Variants in HIP1 observed in about 807,000 individuals in gnomAD.
HIP1 encodes huntingtin-interacting protein 1.
Under a neutral mutation model 147.6 loss-of-function variants are expected in HIP1, and 65 were observed. The observed-to-expected ratio is 0.44, with a 90% CI of 0.36 to 0.54. HIP1 has a LOEUF of 0.54. Ranked by LOEUF, HIP1 falls within the 20% of genes least tolerant of loss-of-function variation. The pLI is 0.00. For synonymous variants in HIP1, 479 were observed against 504.0 expected, an observed-to-expected ratio of 0.95 and a Z score of 0.67; for missense variants, 1,061 against 1,299.6, an observed-to-expected ratio of 0.82 and a Z score of 2.82.
chr7:75,698,440 T>C (rs112636493), intron 1 of HIP1, among the ~76,000 whole-genome samples: 1,604 of 152,244 alleles, frequency 0.011, 38 homozygotes, highest in African/African-American at 0.036. Context: ...TTGGAGCCCA[T>C]GGTCTTATCT....
At chr7:75,647,312 C>T (rs1012714749) in intron 1 of HIP1, among the ~76,000 whole-genome samples, 5 of 148,430 alleles carry the variant, frequency 3.4e-5, no homozygotes, top group East Asian at 2.0e-4. Flanking sequence ...GCAGGAGAAT[C>T]GCTTGAACCC....
chr7:75,687,033 G>A (rs936156225), intron 1 of HIP1, among the ~76,000 whole-genome samples: 5 of 151,962 alleles, frequency 3.3e-5, no homozygotes, highest in Non-Finnish European at 7.4e-5. Context: ...TCTTTATCGA[G>A]CATTTCTGGT....
At chr7:75,664,140 A>G (rs1293371743) in intron 1 of HIP1, among the ~76,000 whole-genome samples, 1 of 36,338 alleles carries the variant, frequency 2.8e-5, no homozygotes, top group Non-Finnish European at 5.5e-5. Context: ...ATGTGTGTAC[A>G]TACATACATG....
Position 75,570,879 on chromosome 7 carries a change from G to A in HIP1, c.746-2623C>T, listed in dbSNP as rs587714340. On this transcript the variant is annotated intron_variant, in intron 8 of 30. Coordinates refer to ENST00000336926, the MANE Select transcript of HIP1 (RefSeq NM_005338.7). The stretch of plus-strand genomic sequence containing the variant: ...ACAAAAATTAGCCAGGCATGGTGGC[G>A]GGCACCTATAATCTCAGCTACTTGG... 1.7e-4 allele frequency among the ~76,000 whole-genome samples: 26 copies of A among 151,844 alleles called. No individual in the cohort carries two copies. The South Asian group carries it at 5.0e-3, about 29-fold the overall frequency.
intron 1 of HIP1, among the ~76,000 whole-genome samples, chr7:75,601,088 A>T (rs906561302): frequency 6.6e-6 from 1 of 152,094 alleles, no homozygotes; most frequent in Non-Finnish European, 1.5e-5. Flanking sequence ...TAGGTGTGAT[A>T]AATATGTTGT....
intron 9 of HIP1, among the ~76,000 whole-genome samples, chr7:75,566,839 G>C (rs1278844045): frequency 1.3e-5 from 2 of 151,230 alleles, no homozygotes; most frequent in Non-Finnish European, 2.9e-5. Context: ...GAATGGGGAG[G>C]GGCTGGGCAC....
chr7:75,716,465 C>T (rs546331215), intron 1 of HIP1, among the ~76,000 whole-genome samples: 222 of 151,366 alleles, frequency 1.5e-3, no homozygotes, highest in Non-Finnish European at 2.5e-3. Flanking sequence ...TCAGACAATC[C>T]GCCGCCTCAG....
intron 1 of HIP1, among the ~76,000 whole-genome samples, chr7:75,707,573 T>C (rs1435218898): frequency 1.3e-5 from 2 of 150,890 alleles, no homozygotes; most frequent in African/African-American, 2.5e-5. Flanking sequence ...TTTTCTCCCA[T>C]GTTGTAGGTT....
intron 1 of HIP1, among the ~76,000 whole-genome samples, chr7:75,717,172 G>A (rs1584975148): frequency 6.6e-6 from 1 of 152,142 alleles, no homozygotes; most frequent in South Asian, 2.1e-4. Flanking sequence ...CTTGACCCAC[G>A]CATGATGAAA....
At chr7:75,699,754 C>T (rs1299026552) in intron 1 of HIP1, among the ~76,000 whole-genome samples, 3 of 152,184 alleles carry the variant, frequency 2.0e-5, no homozygotes, top group Non-Finnish European at 2.9e-5. Flanking sequence ...AGGTGGGTTC[C>T]TCCTTCATCT....
At chr7:75,716,216 C>T (rs547178263) in intron 1 of HIP1, among the ~76,000 whole-genome samples, 4 of 152,176 alleles carry the variant, frequency 2.6e-5, no homozygotes, top group African/African-American at 4.8e-5. Context: ...CACCAATCTA[C>T]GATTCCTGAC....
chr7:75,704,605 T>G (rs1309253368), intron 1 of HIP1, among the ~76,000 whole-genome samples: 2 of 151,200 alleles, frequency 1.3e-5, no homozygotes, highest in Admixed American at 1.3e-4. Context: ...TGAGACGGAG[T>G]CTCACTCTGT....
chr7:75,599,316 TC>T, intron 1 of HIP1, 69 bp from the exon 2 acceptor site: 1 of 1,224,832 alleles, frequency 8.2e-7, no homozygotes. Flanking sequence ...GCTGAGACCC[TC>T]CCAGATGCCC....
At chr7:75,594,143 G>A (rs1796601330) in intron 2 of HIP1, among the ~76,000 whole-genome samples, 1 of 151,948 alleles carries the variant, frequency 6.6e-6, no homozygotes, top group Non-Finnish European at 1.5e-5. Context: ...AGCCCAGTGT[G>A]GTGGCGCATG....
Position 75,538,118 on chromosome 7 carries a change from C to T in HIP1, c.*54G>A. The T allele has an allele frequency of 1.4e-6, 2 of 1,452,038 alleles. No individual in the cohort carries two copies. The highest frequency in any genetic ancestry group is 1.9e-6 in the Non-Finnish European group (2 of 1,032,566). The allele number at this position is 1,452,038 out of a possible 1,614,324, so 89.9% of individuals were successfully genotyped here. ...TTGGCCTGTGGCTGGGGAAATAACA[C>T]ACACGAGATAGGTAACAAGGATTTA... On this transcript the variant is annotated 3_prime_UTR_variant, in exon 31 of 31. Coordinates refer to ENST00000336926, the MANE Select transcript of HIP1 (RefSeq NM_005338.7).
Position 75,572,808 on chromosome 7 carries a change from T to C in HIP1, c.745+953A>G, listed in dbSNP as rs587738994. Among the ~76,000 whole-genome samples the C allele has an allele frequency of 2.1e-4, 32 of 152,256 alleles. No individual in the cohort carries two copies. In the East Asian group the frequency reaches 5.8e-3, roughly 28 times the overall value. The stretch of plus-strand genomic sequence containing the variant: ...CTGCAGACTTGGGCCTCCCACTCCA[T>C]GGAGTGGGTGGCAGCCCTGCTGCCC... On this transcript the variant is annotated intron_variant, in intron 8 of 30. Transcript: ENST00000336926.
At chr7:75,612,596 G>A (rs1797481925) in intron 1 of HIP1, among the ~76,000 whole-genome samples, 2 of 152,110 alleles carry the variant, frequency 1.3e-5, no homozygotes, top group African/African-American at 2.4e-5. Flanking sequence ...ATCACCTGAG[G>A]TCAGGAGTTC....
chr7:75,585,006 G>A (rs985736474), intron 5 of HIP1, among the ~76,000 whole-genome samples: 18 of 148,960 alleles, frequency 1.2e-4, no homozygotes, highest in African/African-American at 4.0e-4. Context: ...GTGTCACCAC[G>A]CCCAGCTAAT....
intron 1 of HIP1, among the ~76,000 whole-genome samples, chr7:75,679,729 T>C (rs1297502823): frequency 1.3e-5 from 2 of 152,102 alleles, no homozygotes; most frequent in Non-Finnish European, 2.9e-5. Context: ...GTCCTCAAGG[T>C]AGACCCAGCC....
Sources: allele counts gnomAD v4.1 joint callset (sites outside exome capture counted in the v4.1 genomes callset), GRCh38; gene constraint gnomAD v4.1.1; transcripts MANE v1.5; gene names NCBI Gene and HGNC (gene_info 2026-07-23, HGNC 2026-07-21).